The following TRAPPC9 variants were observed in gnomAD, a reference collection of about 807,000 sequenced individuals.
The protein encoded by TRAPPC9 is trafficking protein particle complex subunit 9.
A neutral mutation model predicts 124.0 loss-of-function variants in TRAPPC9; 83 were observed. The ratio of observed to expected loss-of-function variants is 0.67; its 90% CI spans 0.56 to 0.80. TRAPPC9 has a LOEUF of 0.80. Ranked by LOEUF, TRAPPC9 falls within the 30% of genes least tolerant of loss-of-function variation. The pLI is 0.00. For missense variants in TRAPPC9, 1,302 were observed against 1,508.3 expected (o/e 0.86, Z 2.27); for synonymous variants, 638 against 617.5 (o/e 1.03, Z -0.49).
rs1004594937 is a variant in TRAPPC9 at position 140,252,086 on chromosome 8, G to A, written c.2431+691C>T. Among the ~76,000 whole-genome samples, 7 of 151,306 alleles carry A rather than the reference G, an allele frequency of 4.6e-5. No homozygotes were observed. The highest frequency in any genetic ancestry group is 4.2e-4 in the South Asian group (2 of 4,790). On this transcript the variant is annotated intron_variant, in intron 16 of 22. Coordinates refer to ENST00000438773, the MANE Select transcript of TRAPPC9 (RefSeq NM_001160372.4). This position sits in a 1 kb window ranked among gnomAD's most constrained non-coding sequence, Gnocchi z 4.2. ...GTTGCCCAGGCTGGAGTGCAGTGGC[G>A]TGATCTCGACTCACTGCAACCTCCG... is the stretch of plus-strand genomic sequence containing the variant.
intron 14 of TRAPPC9, among the ~76,000 whole-genome samples, chr8:140,280,871 A>T (rs1205421495): frequency 6.6e-6 from 1 of 152,174 alleles, no homozygotes; most frequent in Non-Finnish European, 1.5e-5. Context: ...TGCTTTCTGG[A>T]TGTTTCACAT....
chr8:140,419,183 C>T (rs933854685), intron 5 of TRAPPC9, among the ~76,000 whole-genome samples: 2 of 151,990 alleles, frequency 1.3e-5, no homozygotes, highest in Admixed American at 1.3e-4. Flanking sequence ...AATCCCAGCA[C>T]TTTGGGAGGC....
intron 14 of TRAPPC9, among the ~76,000 whole-genome samples, chr8:140,282,560 C>CCA (rs1169419186): frequency 1.2e-5 from 1 of 82,902 alleles, no homozygotes; most frequent in Admixed American, 1.3e-4. Flanking sequence ...GAGCAAGACT[C>CCA]CGTCAAAAAA....
chr8:139,847,933 G>A (rs1423571465), intron 21 of TRAPPC9, among the ~76,000 whole-genome samples: 20 of 152,232 alleles, frequency 1.3e-4, no homozygotes, highest in Admixed American at 1.2e-3. Context: ...GCTCCCTGCC[G>A]CCTCTGCCTG....
At chr8:140,235,914 A>G (rs1254711299) in intron 16 of TRAPPC9, among the ~76,000 whole-genome samples, 1 of 152,182 alleles carries the variant, frequency 6.6e-6, no homozygotes, top group African/African-American at 2.4e-5. Flanking sequence ...AAAAAGAACA[A>G]ATGCAACACA....
chr8:140,195,948 A>G (rs56397085), intron 17 of TRAPPC9, among the ~76,000 whole-genome samples: 17 of 146,014 alleles, frequency 1.2e-4, no homozygotes, highest in Non-Finnish European at 2.0e-4. Context: ...CACACCTGTG[A>G]CATTAAAACA....
At chr8:139,890,321 G>A (rs1237376956) in intron 20 of TRAPPC9, among the ~76,000 whole-genome samples, 4 of 152,226 alleles carry the variant, frequency 2.6e-5, no homozygotes, top group East Asian at 1.9e-4. Flanking sequence ...CAGGGCTAAG[G>A]AGGTGCCCTG....
chr8:139,852,156 C>G (rs898366539), intron 21 of TRAPPC9, among the ~76,000 whole-genome samples: 1 of 152,218 alleles, frequency 6.6e-6, no homozygotes, highest in African/African-American at 2.4e-5. Flanking sequence ...CTGCTGCCTT[C>G]CACAGATGAT....
intron 17 of TRAPPC9, among the ~76,000 whole-genome samples, chr8:140,071,165 A>G (rs556415858): frequency 6.6e-6 from 1 of 152,350 alleles, no homozygotes; most frequent in African/African-American, 2.4e-5. Flanking sequence ...AGGCTAAGTG[A>G]TAACAGCTGA....
intron 21 of TRAPPC9, among the ~76,000 whole-genome samples, chr8:139,833,853 A>G (rs907574059): frequency 3.3e-5 from 5 of 152,076 alleles, no homozygotes; most frequent in African/African-American, 4.8e-5. Flanking sequence ...GGGGGAGGGG[A>G]GGCAGGGCCA....
intron 19 of TRAPPC9, among the ~76,000 whole-genome samples, chr8:139,963,782 T>C (rs1242779809): frequency 8.1e-6 from 1 of 123,782 alleles, no homozygotes; most frequent in Admixed American, 8.3e-5. Flanking sequence ...AAAAAACAAC[T>C]ACAGACCAAG....
chr8:140,142,035 G>A (rs147923220), intron 17 of TRAPPC9, among the ~76,000 whole-genome samples: 14 of 152,330 alleles, frequency 9.2e-5, no homozygotes, highest in Non-Finnish European at 1.9e-4. Context: ...TGGTAACCAT[G>A]GCAACTGCCT....
intron 7 of TRAPPC9, among the ~76,000 whole-genome samples, chr8:140,383,635 C>G (rs964718650): frequency 6.6e-6 from 1 of 152,132 alleles, no homozygotes; most frequent in Non-Finnish European, 1.5e-5. Context: ...AAGAAATGAA[C>G]AAAGCCTCCA....
At chr8:139,941,635 C>T (rs1182620839) in intron 19 of TRAPPC9, among the ~76,000 whole-genome samples, 1 of 152,216 alleles carries the variant, frequency 6.6e-6, no homozygotes, top group Non-Finnish European at 1.5e-5. Context: ...TTTTCCAAGG[C>T]TAGTCACAGG....
Position 140,302,265 on chromosome 8 carries a change from C to T in TRAPPC9, c.1623-1651G>A, listed in dbSNP as rs116016835. ...ACGGCAGGAGATGGTGCTAACCCCGCGCCCTCCAGACCAAGGGCACACCCA... is the reference window on the plus strand; with the variant it reads ...ACGGCAGGAGATGGTGCTAACCCCGTGCCCTCCAGACCAAGGGCACACCCA... On this transcript the variant is annotated intron_variant, in intron 10 of 22. Coordinates refer to ENST00000438773, the MANE Select transcript of TRAPPC9 (RefSeq NM_001160372.4). 5.7e-3 allele frequency among the ~76,000 whole-genome samples: 864 copies of T among 152,298 alleles called. 10 individuals are homozygous for T. The highest frequency in any genetic ancestry group is 0.02 in the African/African-American group (820 of 41,558).
At chr8:140,282,564 CA>C (rs36115226) in intron 14 of TRAPPC9, among the ~76,000 whole-genome samples, 96,935 of 140,062 alleles carry the variant, frequency 0.69, 33,634 homozygotes, top group African/African-American at 0.88. Flanking sequence ...AAGACTCCGT[CA>C]AAAAAAAAAA....
chr8:139,955,999 G>A (rs769110360), intron 19 of TRAPPC9, among the ~76,000 whole-genome samples: 1 of 152,144 alleles, frequency 6.6e-6, no homozygotes, highest in African/African-American at 2.4e-5. Flanking sequence ...TTCTCCCGCC[G>A]TGTGGCTGGA....
chr8:140,213,958 A>C (rs570457010), intron 17 of TRAPPC9, among the ~76,000 whole-genome samples: 3 of 152,190 alleles, frequency 2.0e-5, no homozygotes, highest in African/African-American at 7.2e-5. Context: ...GACTGTTCAC[A>C]GTCGTTCCAG....
chr8:140,385,975 A>G (rs1360528156), intron 7 of TRAPPC9, among the ~76,000 whole-genome samples: 3 of 152,252 alleles, frequency 2.0e-5, no homozygotes, highest in Non-Finnish European at 4.4e-5. Flanking sequence ...CACCATGATC[A>G]AGTGGGCTTC....
Sources: gnomAD v4.1 joint callset for allele counts (sites outside exome capture counted in the v4.1 genomes callset) on GRCh38, gnomAD v4.1.1 for gene constraint, Gnocchi (gnomAD v3.1) non-coding constraint, MANE v1.5 for transcripts, NCBI Gene and HGNC (gene_info 2026-07-23, HGNC 2026-07-21) for gene names.